Variants in CTR9 observed in about 807,000 individuals in gnomAD.
CTR9 encodes the protein RNA polymerase-associated protein CTR9 homolog.
Under a neutral mutation model 152.1 loss-of-function variants are expected in CTR9, and 41 were observed. The ratio of observed to expected loss-of-function variants is 0.27; its 90% confidence interval spans 0.21 to 0.35. The LOEUF is 0.35. Ranked by LOEUF, CTR9 falls within the 10% of genes least tolerant of loss-of-function variation. The pLI, the probability that CTR9 is intolerant of heterozygous loss-of-function variation, is 1.00. For missense variants in CTR9, 917 were observed against 1,424.4 expected, an observed-to-expected ratio of 0.64 and a Z score of 5.73; for synonymous variants, 476 against 496.2, an observed-to-expected ratio of 0.96 and a Z score of 0.54.
At chr11:10,763,395 T>C (rs775012303) in intron 7 of CTR9, 36 bp from the exon 8 acceptor site, 6 of 1,401,056 alleles carry the variant, frequency 4.3e-6, no homozygotes, top group African/African-American at 4.3e-5. Context: ...GCTAGTCTTA[T>C]GAATTCACTC....
At chr11:10,766,262 A>G (rs1376965229) in intron 12 of CTR9, 140 bp from the exon 13 acceptor site, 1 of 650,274 alleles carries the variant, frequency 1.5e-6, no homozygotes, top group Non-Finnish European at 2.7e-6. Flanking sequence ...TGGATGATTG[A>G]TATTTTTTCA....
In CTR9 at chr11:10,779,384, A is replaced by G. The variant is rs1158660541; in HGVS notation, c.*279A>G. On this transcript the variant is annotated 3_prime_UTR_variant, in exon 25 of 25. Transcript: ENST00000361367. ...TAAACCCAGATGCTAAATCATTCCT[A>G]CAAAGGTTTGACTGAAACTGTGGCA... 1 of 330,176 alleles carries G rather than the reference A, an allele frequency of 3.0e-6. No homozygotes were observed. The highest frequency in any genetic ancestry group is 5.6e-6 in the Non-Finnish European group (1 of 178,830). 20.5% of individuals were successfully genotyped at this position (330,176 alleles called of 1,614,324 possible).
chr11:10,772,460 G>T, intron 19 of CTR9, 60 bp from the exon 20 acceptor site: 4 of 1,304,122 alleles, frequency 3.1e-6, no homozygotes, highest in Admixed American at 3.0e-5. Context: ...GAAAATAGAT[G>T]TGCTGAGTTT....
In CTR9 at chr11:10,755,768, T is replaced by A; in HGVS notation, c.475T>A (p.Ser159Thr). Residue 159 changes from serine to threonine, a missense_variant, in exon 4 of 25, where the codon TCT becomes ACT. Physicochemically the swap from Ser to Thr is moderately conservative, Grantham distance 58. This residue lies in a region of CTR9 where 110 missense variants were observed against 149.5 expected (regional missense o/e 0.74). Coordinates refer to ENST00000361367, the MANE Select transcript of CTR9 (RefSeq NM_014633.5). ...ACAGTTTCATTTTGTACTCAATCAGTCTCCAAATAATATTCCAGCCCTTCT... is the reference window on the plus strand; with the variant it reads ...ACAGTTTCATTTTGTACTCAATCAGACTCCAAATAATATTCCAGCCCTTCT... ...DAQFHFVLNQ[S>T]PNNIPALLGK... 1 of 1,612,476 alleles carries A rather than the reference T, an allele frequency of 6.2e-7. No individual in the cohort carries two copies.
chr11:10,775,512 A>T lies in CTR9; in HGVS notation c.2983-9A>T, dbSNP rs887405798. The T allele has an allele frequency of 6.2e-7, 1 of 1,605,940 alleles. No individual in the cohort carries two copies. Among genetic ancestry groups the T allele is most frequent in the Admixed American group, 1.7e-5 (1 of 59,298 alleles). Reference sequence around the variant, plus strand: ...TCTTGACTAATCTATTATGTTTGACATTCTTTAGCCCAAGCCAGAACGTCT... The same window carrying T: ...TCTTGACTAATCTATTATGTTTGACTTTCTTTAGCCCAAGCCAGAACGTCT... On this transcript the variant is annotated splice_polypyrimidine_tract_variant and intron_variant, in intron 23 of 24. Transcript: ENST00000361367.
Position 10,761,967 on chromosome 11 carries a change from T to C in CTR9, c.762T>C (p.Gly254=), listed in dbSNP as rs116362368. 1.4e-3 allele frequency: 2,210 copies of C among 1,607,678 alleles called. 37 individuals are homozygous for C. The African/African-American group carries it at 0.027, about 20-fold the overall frequency. ...TTTAGGCTGATTCCATTAAAAATGG[T>C]GTCCAGCTTCTTTCCAGAGCCTATA... is the stretch of plus-strand genomic sequence containing the variant. ...NNKEADSIKN[G]VQLLSRAYTI... Residue 254 remains glycine, a synonymous_variant, in exon 7 of 25, where the codon GGT becomes GGC. Coordinates refer to ENST00000361367, the MANE Select transcript of CTR9 (RefSeq NM_014633.5).
chr11:10,774,151 A>G lies in CTR9; in HGVS notation c.2867A>G (p.Lys956Arg), dbSNP rs762283321. The change falls in exon 22 of 25, where the codon AAG (lysine) becomes AGG (arginine). Residue 956 changes from lysine (K) to arginine (R), a missense_variant. Transcript: ENST00000361367. The stretch of plus-strand genomic sequence containing the variant: ...GAAGATGAGGAGGGTGGTGAGAGAA[A>G]GAAGAAAAAGAGGAGAAGGTAATGT... Reference protein sequence around the residue: ...EGEDEEGGERKKKKRRRHPKG... With the variant: ...EGEDEEGGERRKKKRRRHPKG... 5 of 1,608,022 alleles carry G rather than the reference A, an allele frequency of 3.1e-6. No individual in the cohort carries two copies. The highest frequency in any genetic ancestry group is 2.7e-5 in the African/African-American group (2 of 74,488).
chr11:10,762,739 C>T (rs1862996761), intron 7 of CTR9, among the ~76,000 whole-genome samples: 1 of 152,128 alleles, frequency 6.6e-6, no homozygotes, highest in South Asian at 2.1e-4. Context: ...AGTAGTGGCT[C>T]ATGCCTGTAA....
rs772579837 is a variant in CTR9 at position 10,755,150 on chromosome 11, G to A, written c.337G>A (p.Ala113Thr). ...KDNKKDLITQ[A>T]TLLYTMADKI... ...CAATAAAAAGGATCTTATTACACAG[G>A]CCACCTTGTTGTATACAATGGCCGA... The change falls in exon 3 of 25, where the codon GCC (alanine) becomes ACC (threonine). Residue 113 changes from alanine to threonine, a missense_variant. Coordinates refer to ENST00000361367, the MANE Select transcript of CTR9 (RefSeq NM_014633.5). 6.2e-7 allele frequency: 1 copy of A among 1,613,728 alleles called. No individual in the cohort carries two copies. Among genetic ancestry groups the A allele is most frequent in the Non-Finnish European group, 8.5e-7 (1 of 1,179,764 alleles).
At chr11:10,756,876 T>C in intron 5 of CTR9, 38 bp downstream of exon 5, 1 of 1,252,490 alleles carries the variant, frequency 8.0e-7, no homozygotes, top group South Asian at 1.2e-5. Flanking sequence ...AAACTGTGTA[T>C]TACCCAGCTT....
chr11:10,777,958 C>T (rs1863268409), intron 24 of CTR9, among the ~76,000 whole-genome samples: 1 of 152,196 alleles, frequency 6.6e-6, no homozygotes, highest in South Asian at 2.1e-4. Context: ...TCCTCAGAGC[C>T]TCCAGGAAGC....
chr11:10,778,753 G>A lies in CTR9; in HGVS notation c.3170G>A (p.Ser1057Asn). Residue 1057 changes from serine to asparagine, a missense_variant, in exon 25 of 25, where the codon AGT becomes AAT. Physicochemically the swap from Ser to Asn is conservative, Grantham distance 46. This residue lies in a region of CTR9 where 384 missense variants were observed against 398.4 expected (regional missense o/e 0.96). Transcript: ENST00000361367. ...EQRKKCASSE[S>N]DSDENQNKSG... Reference sequence around the variant, plus strand: ...CGAAAGAAATGTGCCTCATCAGAGAGTGATTCCGATGAGAACCAGAACAAG... The same window carrying A: ...CGAAAGAAATGTGCCTCATCAGAGAATGATTCCGATGAGAACCAGAACAAG... 1.2e-6 allele frequency: 2 copies of A among 1,614,166 alleles called. No homozygotes were observed. Among genetic ancestry groups the A allele is most frequent in the Non-Finnish European group, 1.7e-6 (2 of 1,180,014 alleles).
At chr11:10,763,939 C>A in intron 9 of CTR9, 60 bp downstream of exon 9, 1 of 1,399,522 alleles carries the variant, frequency 7.1e-7, no homozygotes. Context: ...ACTCCCATTT[C>A]TCATTTCCTG....
rs1309923029 is a variant in CTR9, at chr11:10,764,680, G to A, written c.1546G>A (p.Ala516Thr). ...TGAGGCGATGTGTGAATTCCATGAA[G>A]CAGAAAAACTGTATAAAAACATCTT... ...LYEAMCEFHE[A>T]EKLYKNILRE... The change falls in exon 12 of 25, where the codon GCA becomes ACA. Residue 516 changes from alanine to threonine, a missense_variant. Ala to Thr is a moderately conservative substitution (Grantham distance 58, BLOSUM62 0). Transcript: ENST00000361367. The A allele has an allele frequency of 1.2e-6, 2 of 1,612,102 alleles. No homozygotes were observed. The highest frequency in any genetic ancestry group is 3.3e-5 in the Admixed American group (2 of 59,958).
chr11:10,768,321 G>A (rs754388929), intron 15 of CTR9, 22 bp from the exon 16 acceptor site: 4 of 1,605,128 alleles, frequency 2.5e-6, no homozygotes, highest in Non-Finnish European at 3.4e-6. Flanking sequence ...ATTGTTAAGT[G>A]TGAACCTTTT....
chr11:10,755,788 C>G lies in CTR9; in HGVS notation c.495C>G (p.Ala165=). Residue 165 remains alanine, a synonymous_variant, in exon 4 of 25, where the codon GCC becomes GCG. Coordinates refer to ENST00000361367, the MANE Select transcript of CTR9 (RefSeq NM_014633.5). ...ATCAGTCTCCAAATAATATTCCAGC[C>G]CTTCTTGGTAAGTGGTCTTTGGCAA... ...VLNQSPNNIP[A]LLGKACISFN... The G allele has an allele frequency of 6.3e-7, 1 of 1,600,000 alleles. No individual in the cohort carries two copies. Among genetic ancestry groups the G allele is most frequent in the South Asian group, 1.1e-5 (1 of 90,216 alleles).
At chr11:10,768,941 T>C (rs1863100379) in intron 16 of CTR9, among the ~76,000 whole-genome samples, 1 of 152,168 alleles carries the variant, frequency 6.6e-6, no homozygotes, top group South Asian at 2.1e-4. Flanking sequence ...AGGCCAGGCA[T>C]GGTGGCTTAC....
In CTR9 at chr11:10,760,824, C is replaced by T. The variant is rs185310859; in HGVS notation, c.741+503C>T. Among the ~76,000 whole-genome samples the T allele has an allele frequency of 2.3e-3, 355 of 152,196 alleles. 1 individual carries two copies. Among genetic ancestry groups the T allele is most frequent in the Non-Finnish European group, 3.4e-3 (233 of 67,998 alleles). The stretch of plus-strand genomic sequence containing the variant: ...TCAAACCTATGATTTTATATAATTC[C>T]GTCCTCCCTTCCTTAATGTGCAGCC... On this transcript the variant is annotated intron_variant, in intron 6 of 24. Transcript: ENST00000361367.
chr11:10,753,615 CAT>C (rs981321953), intron 2 of CTR9, among the ~76,000 whole-genome samples: 3 of 151,202 alleles, frequency 2.0e-5, no homozygotes, highest in Non-Finnish European at 4.4e-5. Flanking sequence ...TTTCTTATTC[CAT>C]GGAGACCAAG....
Sources: gnomAD v4.1 joint callset for allele counts (sites outside exome capture counted in the v4.1 genomes callset) on GRCh38, gnomAD v4.1.1 for gene constraint, gnomAD v4.1.1 regional missense constraint, MANE v1.5 for transcripts, NCBI Gene and HGNC (gene_info 2026-07-23, HGNC 2026-07-21) for gene names.